DENND3: variants seen among roughly 807,000 people sequenced by gnomAD.
DENND3 encodes DENN domain containing 3.
DENND3 carries 88 observed loss-of-function variants against 135.1 expected under a neutral mutation model. That is an observed-to-expected ratio of 0.65 (90% CI 0.55 to 0.78). DENND3 has a LOEUF of 0.78. Ranked by LOEUF, DENND3 falls within the 30% of genes least tolerant of loss-of-function variation. DENND3 has a pLI of 0.00. For synonymous variants in DENND3, 693 were observed against 712.3 expected (o/e 0.97, Z 0.43); for missense variants, 1,392 against 1,688.4 (o/e 0.82, Z 3.08).
intron 9 of DENND3, 78 bp downstream of exon 9, chr8:141,160,865 C>A: frequency 1.3e-6 from 2 of 1,520,668 alleles, no homozygotes; most frequent in Non-Finnish European, 1.8e-6. Context: ...GTGCACCCCG[C>A]CCCAGAGGGC....
rs200254442 is a variant in DENND3, at chr8:141,151,611, C to G, written c.856-8C>G. The G allele has an allele frequency of 1.9e-6, 3 of 1,613,264 alleles. No homozygotes were observed. Among genetic ancestry groups the G allele is most frequent in the Non-Finnish European group, 2.5e-6 (3 of 1,179,476 alleles). ...GCATGTACTCAGTGCGGCGGGTTCTCCCCTCAGATCCTGACATGCATCCTG... is the reference window on the plus strand; with the variant it reads ...GCATGTACTCAGTGCGGCGGGTTCTGCCCTCAGATCCTGACATGCATCCTG... On this transcript the variant is annotated splice_region_variant and splice_polypyrimidine_tract_variant and intron_variant, in intron 6 of 22. Coordinates refer to ENST00000519811, the MANE Select transcript of DENND3 (RefSeq NM_001352890.3).
chr8:141,157,971 G>T (rs1330138386), intron 8 of DENND3: 15 of 1,037,420 alleles, frequency 1.4e-5, no homozygotes, highest in Non-Finnish European at 1.8e-5. Flanking sequence ...TGTTGGCCAG[G>T]CTGGTCTCGA....
At chr8:141,129,903 C>T (rs546889068) in intron 1 of DENND3, 1 of 152,378 alleles carries the variant, frequency 6.6e-6, no homozygotes, top group South Asian at 2.1e-4. Flanking sequence ...AAAGCATTCT[C>T]CTATGGAAAT....
rs1308424777 is a variant in DENND3, at chr8:141,168,904, G to C, written c.2275+379G>C. Reference sequence around the variant, plus strand: ...GATGGAGTCTTGCTCTGTCTCCCAGGTTGGAGTACAATGGCACGATCTTGG... The same window carrying C: ...GATGGAGTCTTGCTCTGTCTCCCAGCTTGGAGTACAATGGCACGATCTTGG... On this transcript the variant is annotated intron_variant, in intron 13 of 22. Coordinates refer to ENST00000519811, the MANE Select transcript of DENND3 (RefSeq NM_001352890.3). This position sits in a 1 kb window ranked among gnomAD's most constrained non-coding sequence, Gnocchi z 6.2. Among the ~76,000 whole-genome samples, 1 of 152,008 alleles carries C rather than the reference G, an allele frequency of 6.6e-6. No individual in the cohort carries two copies.
chr8:141,142,167 G>C (rs939426972), intron 4 of DENND3: 1 of 338,142 alleles, frequency 3.0e-6, no homozygotes, highest in Non-Finnish European at 5.8e-6. Flanking sequence ...ATTATCAAAG[G>C]ATGCTTTTGT....
chr8:141,192,245 A>G (rs1215768530), intron 20 of DENND3, 86 bp from the exon 21 acceptor site: 28 of 1,551,302 alleles, frequency 1.8e-5, no homozygotes, highest in Non-Finnish European at 2.4e-5. Flanking sequence ...ACCACGCTGG[A>G]AAGAGCAGTG....
At chr8:141,129,284 C>T (rs535598055) in intron 1 of DENND3, among the ~76,000 whole-genome samples, 2 of 152,220 alleles carry the variant, frequency 1.3e-5, no homozygotes, top group African/African-American at 4.8e-5. Context: ...GATGTGTTGT[C>T]CCCTGAGTAG....
At chr8:141,149,790 A>G (rs1818569055) in intron 5 of DENND3, among the ~76,000 whole-genome samples, 2 of 152,376 alleles carry the variant, frequency 1.3e-5, no homozygotes, top group African/African-American at 4.8e-5. Flanking sequence ...TCTCATCAAC[A>G]TTATAACAAA....
chr8:141,159,773 G>C (rs1819905873), intron 8 of DENND3, among the ~76,000 whole-genome samples: 1 of 152,254 alleles, frequency 6.6e-6, no homozygotes, highest in South Asian at 2.1e-4. Context: ...GGGAAGGCCA[G>C]GGGTCCAATC....
intron 19 of DENND3, among the ~76,000 whole-genome samples, chr8:141,189,883 A>G (rs1226657405): frequency 6.6e-6 from 1 of 152,062 alleles, no homozygotes; most frequent in Admixed American, 6.5e-5. Flanking sequence ...AGCTCTGAGG[A>G]TCGTGCTGGC....
In DENND3 at chr8:141,128,899, T is replaced by C; in HGVS notation, c.102+90T>C. 2.0e-6 allele frequency: 2 copies of C among 1,017,766 alleles called. No homozygotes were observed. Among genetic ancestry groups the C allele is most frequent in the South Asian group, 2.3e-5 (1 of 43,790 alleles). The allele number at this position is 1,017,766 out of a possible 1,614,324, so 63.0% of individuals were successfully genotyped here. ...AGCGGGCGCCCGGGTGCCCTGTGGG[T>C]TGGCGCGGACTTTCCGAGGGCTGAG... is the stretch of plus-strand genomic sequence containing the variant. On this transcript the variant is annotated intron_variant, in intron 1 of 22. Coordinates refer to ENST00000519811, the MANE Select transcript of DENND3 (RefSeq NM_001352890.3). The surrounding 1 kb of genome is among the most constrained non-coding windows in gnomAD (Gnocchi z 4.5).
At chr8:141,143,126 T>C (rs900758452) in intron 4 of DENND3, 3 of 152,236 alleles carry the variant, frequency 2.0e-5, no homozygotes, top group Non-Finnish European at 4.4e-5. Flanking sequence ...GAAATTCAAA[T>C]TGCCGTATGA....
rs191854440 is a variant in DENND3 at position 141,150,199 on chromosome 8, C to T, written c.736-635C>T. On this transcript the variant is annotated intron_variant, in intron 5 of 22. Coordinates refer to ENST00000519811, the MANE Select transcript of DENND3 (RefSeq NM_001352890.3). Reference sequence around the variant, plus strand: ...TGCCAGCACCCGGGTGGCAGGAACTCGCTGTTTGCAGCCCATTTCCTGGCA... The same window carrying T: ...TGCCAGCACCCGGGTGGCAGGAACTTGCTGTTTGCAGCCCATTTCCTGGCA... 1,752 of 654,322 alleles carry T rather than the reference C, an allele frequency of 2.7e-3. 4 individuals carry two copies. Among genetic ancestry groups the T allele is most frequent in the Non-Finnish European group, 3.5e-3 (1,602 of 458,856 alleles). 40.5% of individuals were successfully genotyped at this position (654,322 alleles called of 1,614,324 possible).
chr8:141,172,383 G>A (rs1821734911), intron 13 of DENND3, among the ~76,000 whole-genome samples: 1 of 152,144 alleles, frequency 6.6e-6, no homozygotes, highest in Non-Finnish European at 1.5e-5. Flanking sequence ...TGCCTGATGG[G>A]ACTTCTTTGG....
chr8:141,185,063 G>A, intron 17 of DENND3, 76 bp from the exon 18 acceptor site: 1 of 1,550,398 alleles, frequency 6.4e-7, no homozygotes, highest in South Asian at 1.2e-5. Context: ...GGAGGCACCT[G>A]AGTAAGGGCA....
chr8:141,129,198 G>A (rs936415331), intron 1 of DENND3, among the ~76,000 whole-genome samples: 1 of 152,230 alleles, frequency 6.6e-6, no homozygotes, highest in African/African-American at 2.4e-5. Flanking sequence ...ACCAGACAAC[G>A]GGCGGAAGCC....
rs1403904851 is a variant in DENND3 at position 141,185,298 on chromosome 8, G to A, written c.3084+20G>A. On this transcript the variant is annotated intron_variant, in intron 18 of 22. Transcript: ENST00000519811. Reference sequence around the variant, plus strand: ...AAAGTGGTGAGTACACGAAGCGTCAGGAAAGAAGCCTCTGAATTCACGTGA... The same window carrying A: ...AAAGTGGTGAGTACACGAAGCGTCAAGAAAGAAGCCTCTGAATTCACGTGA... 2 of 1,613,502 alleles carry A rather than the reference G, an allele frequency of 1.2e-6. No homozygotes were observed. Among genetic ancestry groups the A allele is most frequent in the Admixed American group, 1.7e-5 (1 of 59,956 alleles).
intron 15 of DENND3, 86 bp downstream of exon 15, chr8:141,176,847 T>C: frequency 6.7e-7 from 1 of 1,498,774 alleles, no homozygotes; most frequent in Non-Finnish European, 9.1e-7. Flanking sequence ...AGTCCTCAGC[T>C]GTGAGTGCTC....
In DENND3 at chr8:141,191,959, TTAAC is replaced by T. The variant is rs553663210; in HGVS notation, c.3380-365_3380-362del. The T allele has an allele frequency of 4.0e-4, 69 of 172,108 alleles. No homozygotes were observed. In the South Asian group the frequency reaches 7.3e-3, roughly 18 times the overall value. The allele number at this position is 172,108 out of a possible 1,614,324, so 10.7% of individuals were successfully genotyped here. A position where few individuals can be genotyped will look rare whatever the true frequency, so the allele number is the denominator to read the frequency against. ...CAACCTTAACCGATCACCCTCCTCC[TTAAC>T]TAACTATGATACTGCTTCATGGATA... On this transcript the variant is annotated intron_variant, in intron 20 of 22. Transcript: ENST00000519811.
Sources: gnomAD v4.1 joint callset for allele counts (sites outside exome capture counted in the v4.1 genomes callset) on GRCh38, gnomAD v4.1.1 for gene constraint, Gnocchi (gnomAD v3.1) non-coding constraint, MANE v1.5 for transcripts, NCBI Gene and HGNC (gene_info 2026-07-23, HGNC 2026-07-21) for gene names.